The following SPIRE2 variants were observed in gnomAD, a reference collection of about 807,000 sequenced individuals.
SPIRE2 encodes protein spire homolog 2.
SPIRE2 carries 76 observed loss-of-function variants against 80.7 expected under a neutral mutation model. The observed-to-expected ratio is 0.94, with a 90% CI of 0.78 to 1.14. The LOEUF is 1.14. Among genes scored for constraint, SPIRE2 ranks in the 50% most tolerant of loss-of-function variants. The probability of loss-of-function intolerance (pLI) is 0.00; values close to 1 mark genes in which losing one functional copy is unlikely to be tolerated. For synonymous variants in SPIRE2, 535 were observed against 432.6 expected (o/e 1.24, Z -2.94); for missense variants, 1,196 against 1,015.3 (o/e 1.18, Z -2.42).
chr16:89,869,158 A>C (rs2041817275), intron 13 of SPIRE2, among the ~76,000 whole-genome samples: 1 of 147,116 alleles, frequency 6.8e-6, no homozygotes, highest in Admixed American at 6.9e-5. Context: ...CTTACTCTAC[A>C]TCCTGCCACT....
At chr16:89,829,287 G>A (rs1158835732) in intron 1 of SPIRE2, among the ~76,000 whole-genome samples, 1 of 152,250 alleles carries the variant, frequency 6.6e-6, no homozygotes, top group Non-Finnish European at 1.5e-5. Context: ...ACTGGGAGAG[G>A]AAGGGGTGTG....
At position 89,850,543 on chromosome 16, in the gene SPIRE2, G is replaced by A. The variant is rs772626371; in HGVS notation, c.528G>A (p.Ala176=). 10 of 1,512,938 alleles carry A rather than the reference G, an allele frequency of 6.6e-6. No individual in the cohort carries two copies. The highest frequency in any genetic ancestry group is 4.2e-5 in the Admixed American group (2 of 47,464). The allele number at this position is 1,512,938 out of a possible 1,614,324, so 93.7% of individuals were successfully genotyped here. The stretch of plus-strand genomic sequence containing the variant: ...TTGCCCAGGCCATGCGGCTGTGCGC[G>A]GCGCGGCTGACCGACCCCCGGGGCG... The part of the protein sequence containing the change: ...RTFAQAMRLC[A]ARLTDPRGAQ... The change falls in exon 3 of 15, where the codon GCG becomes GCA. Residue 176 remains alanine (A), a synonymous_variant. Transcript: ENST00000378247.
rs1459772397 is a variant in SPIRE2 at position 89,870,473 on chromosome 16, G to A, written c.*201G>A. 4 of 522,200 alleles carry A rather than the reference G, an allele frequency of 7.7e-6. No individual in the cohort carries two copies. The highest frequency in any genetic ancestry group is 3.8e-5 in the African/African-American group (2 of 52,608). The allele number at this position is 522,200 out of a possible 1,614,324, so 32.3% of individuals were successfully genotyped here. ...CACTTCAAAACCCTCCCTGGGGGAGGCTGTTTCTTCTCAGGATTCCTTGCC... is the reference window on the plus strand; with the variant it reads ...CACTTCAAAACCCTCCCTGGGGGAGACTGTTTCTTCTCAGGATTCCTTGCC... On this transcript the variant is annotated 3_prime_UTR_variant, in exon 15 of 15. Transcript: ENST00000378247.
In SPIRE2 at chr16:89,859,355, G is replaced by T. The variant is rs752780146; in HGVS notation, c.1462+1G>T. On this transcript the variant is annotated splice_donor_variant, in intron 9 of 14. Transcript: ENST00000378247. LOFTEE classifies it high-confidence loss of function. ...TGGAGGCCCGGCTCCCGAGACCAGG[G>T]CAAGTGCTGCTTCTCACCCCCGTAC... The T allele has an allele frequency of 1.9e-6, 3 of 1,551,346 alleles. No individual in the cohort carries two copies. Among genetic ancestry groups the T allele is most frequent in the Non-Finnish European group, 2.6e-6 (3 of 1,152,840 alleles).
rs1434982649 is a variant in SPIRE2 at position 89,860,665 on chromosome 16, G to C, written c.1463-18G>C. 11 of 1,528,962 alleles carry C rather than the reference G, an allele frequency of 7.2e-6. No homozygotes were observed. Among genetic ancestry groups the C allele is most frequent in the Non-Finnish European group, 9.8e-6 (11 of 1,120,534 alleles). The allele number at this position is 1,528,962 out of a possible 1,614,324, so 94.7% of individuals were successfully genotyped here. On this transcript the variant is annotated intron_variant, in intron 9 of 14. Transcript: ENST00000378247. ...GCTCCTGCCAGGCAGTCCTGATGGA[G>C]CCTCTGCTCTCCCCCAGGTACCTGT...
intron 7 of SPIRE2, among the ~76,000 whole-genome samples, chr16:89,857,278 G>A (rs1372063405): frequency 1.3e-5 from 2 of 151,580 alleles, no homozygotes; most frequent in Non-Finnish European, 2.9e-5. Context: ...TGTGATGACA[G>A]GCATGCACCA....
Position 89,869,624 on chromosome 16 carries a change from A to G in SPIRE2, c.1864A>G (p.Ser622Gly). The change falls in exon 14 of 15, where the codon AGT becomes GGT. Residue 622 changes from serine (S) to glycine (G), a missense_variant. Coordinates refer to ENST00000378247, the MANE Select transcript of SPIRE2 (RefSeq NM_032451.2). ...HIPVYTLGFE[S>G]PQRVSAAKTA... ...CCCTGTCTACACACTGGGCTTTGAG[A>G]GTCCTCAGAGGGTATCAGCTGCCAA... The G allele has an allele frequency of 6.2e-7, 1 of 1,614,162 alleles. No homozygotes were observed. The highest frequency in any genetic ancestry group is 1.3e-5 in the African/African-American group (1 of 75,028).
At chr16:89,855,370 G>T (rs568058211) in intron 5 of SPIRE2, among the ~76,000 whole-genome samples, 37 of 152,096 alleles carry the variant, frequency 2.4e-4, no homozygotes, top group Non-Finnish European at 5.1e-4. Flanking sequence ...CTAGAGGCTG[G>T]GGCAGCCAGG....
intron 6 of SPIRE2, 196 bp downstream of exon 6, chr16:89,855,882 T>C (rs529067526): frequency 2.8e-5 from 26 of 938,432 alleles, no homozygotes; most frequent in Non-Finnish European, 3.9e-5. Context: ...TGGGCCCTTT[T>C]TCTGGGAAGG....
At chr16:89,854,262 A>T (rs763327917) in intron 3 of SPIRE2, 24 bp from the exon 4 acceptor site, 2 of 1,608,228 alleles carry the variant, frequency 1.2e-6, no homozygotes, top group Non-Finnish European at 1.7e-6. Flanking sequence ...CCTCCCCTGG[A>T]CTGACGAGCA....
chr16:89,843,685 G>GTTTT (rs2041526912), intron 1 of SPIRE2, among the ~76,000 whole-genome samples: 2 of 21,300 alleles, frequency 9.4e-5, no homozygotes, highest in Admixed American at 7.0e-4. Flanking sequence ...TTTTTTGTTT[G>GTTTT]TTTTTGTTTT....
In SPIRE2 at chr16:89,831,865, T is replaced by C. The variant is rs1172387411; in HGVS notation, c.244+3071T>C. ...TAGAGCACTGGCTCTGGGGTTCTGC[T>C]GTTTCGCAGCCCCGCGCACTCCCAG... On this transcript the variant is annotated intron_variant, in intron 1 of 14. Coordinates refer to ENST00000378247, the MANE Select transcript of SPIRE2 (RefSeq NM_032451.2). Among the ~76,000 whole-genome samples, 4 of 149,968 alleles carry C rather than the reference T, an allele frequency of 2.7e-5. 1 individual carries two copies. Among genetic ancestry groups the C allele is most frequent in the Non-Finnish European group, 6.0e-5 (4 of 66,516 alleles).
At chr16:89,836,225 C>T (rs1442089779) in intron 1 of SPIRE2, 3 of 455,950 alleles carry the variant, frequency 6.6e-6, no homozygotes, top group Admixed American at 2.3e-5. Flanking sequence ...TTGAAGAGGT[C>T]AGAAACCCAG....
At chr16:89,837,402 C>T (rs1410605280) in intron 1 of SPIRE2, among the ~76,000 whole-genome samples, 2 of 152,178 alleles carry the variant, frequency 1.3e-5, no homozygotes, top group Non-Finnish European at 2.9e-5. Context: ...CTCTCTGGAC[C>T]TCTTGGACCG....
In SPIRE2 at chr16:89,863,610, G is replaced by A. The variant is rs1305319687; in HGVS notation, c.1710G>A (p.Lys570=). 5 of 1,613,980 alleles carry A rather than the reference G, an allele frequency of 3.1e-6. No homozygotes were observed. The highest frequency in any genetic ancestry group is 4.2e-6 in the Non-Finnish European group (5 of 1,180,050). ...KELFSSLKKG[K]ICCCCRAKFP... is the part of the protein sequence containing the mutation. ...TCTTCAGCAGTCTGAAGAAGGGGAA[G>A]GTGAGGCTGCCTAGACGTGGGGCTA... Residue 570 remains lysine (K), a splice_region_variant and synonymous_variant, in exon 11 of 15, where the codon AAG becomes AAA. Coordinates refer to ENST00000378247, the MANE Select transcript of SPIRE2 (RefSeq NM_032451.2). The surrounding 1 kb of genome is among the most constrained non-coding windows in gnomAD (Gnocchi z 4.3).
In SPIRE2 at chr16:89,828,755, G is replaced by C; in HGVS notation, c.205G>C (p.Gly69Arg). 8.3e-7 allele frequency: 1 copy of C among 1,204,134 alleles called. No individual in the cohort carries two copies. The highest frequency in any genetic ancestry group is 1.0e-6 in the Non-Finnish European group (1 of 970,148). 74.6% of individuals were successfully genotyped at this position (1,204,134 alleles called of 1,614,324 possible). The change falls in exon 1 of 15, where the codon GGG becomes CGG. Residue 69 changes from glycine to arginine, a missense_variant. Gly to Arg is a moderately radical substitution (Grantham distance 125, BLOSUM62 -2). Coordinates refer to ENST00000378247, the MANE Select transcript of SPIRE2 (RefSeq NM_032451.2). The surrounding 1 kb of genome is among the most constrained non-coding windows in gnomAD (Gnocchi z 5.9). The stretch of plus-strand genomic sequence containing the variant: ...GGATACCGGGGACCTCCTGCTGCGC[G>C]GGGACGGCTCGGTCGGGGCGCGGGA... Reference protein sequence around the residue: ...LRDTGDLLLRGDGSVGAREPE... With the variant: ...LRDTGDLLLRRDGSVGAREPE...
At position 89,869,994 on chromosome 16, in the gene SPIRE2, G is replaced by T. The variant is rs1314652345; in HGVS notation, c.1923-56G>T. 11 of 1,475,956 alleles carry T rather than the reference G, an allele frequency of 7.5e-6. No individual in the cohort carries two copies. In the South Asian group the frequency reaches 9.5e-5, roughly 13 times the overall value. 91.4% of individuals were successfully genotyped at this position (1,475,956 alleles called of 1,614,324 possible). A position where few individuals can be genotyped will look rare whatever the true frequency, so the allele number is the denominator to read the frequency against. ...GGCTGTGGCATGCACAAGCAGGGAG[G>T]GGGGTGTGGCACCCTGGCTGGCTCC... On this transcript the variant is annotated intron_variant, in intron 14 of 14. Transcript: ENST00000378247.
In SPIRE2 at chr16:89,850,309, G is replaced by T. The variant is rs2041610137; in HGVS notation, c.294G>T (p.Val98=). The change falls in exon 3 of 15, where the codon GTG becomes GTT. Residue 98 remains valine (V), a synonymous_variant. Transcript: ENST00000378247. The part of the protein sequence containing the change: ...VPLASSEAQT[V]QSLGFAIYRA... The stretch of plus-strand genomic sequence containing the variant: ...ACCGCGCCCCTGTCCCGCAGACCGT[G>T]CAGTCCCTCGGCTTCGCCATCTACC... 1.2e-6 allele frequency: 2 copies of T among 1,602,816 alleles called. No individual in the cohort carries two copies. The highest frequency in any genetic ancestry group is 1.7e-6 in the Non-Finnish European group (2 of 1,177,570).
At position 89,855,678 on chromosome 16, in the gene SPIRE2, C is replaced by T; in HGVS notation, c.970C>T (p.Leu324=). The T allele has an allele frequency of 1.2e-6, 2 of 1,612,858 alleles. No homozygotes were observed. Among genetic ancestry groups the T allele is most frequent in the Non-Finnish European group, 1.7e-6 (2 of 1,179,932 alleles). The part of the protein sequence containing the change: ...ILDFIRSRPP[L]KQVSERRLRP... ...GGACTTTATCCGCTCACGGCCTCCA[C>T]TGAAGCAGGTGCTGCCCCAGCCTCC... The change falls in exon 6 of 15, where the codon CTG becomes TTG. Residue 324 remains leucine, a synonymous_variant. Coordinates refer to ENST00000378247, the MANE Select transcript of SPIRE2 (RefSeq NM_032451.2).
Sources: allele counts gnomAD v4.1 joint callset (sites outside exome capture counted in the v4.1 genomes callset), GRCh38; gene constraint gnomAD v4.1.1; non-coding constraint Gnocchi (gnomAD v3.1); transcripts MANE v1.5; gene names NCBI Gene and HGNC (gene_info 2026-07-23, HGNC 2026-07-21).